KATNIP: variants seen among roughly 807,000 people sequenced by gnomAD.
The protein encoded by KATNIP is katanin-interacting protein.
Under a neutral mutation model 174.0 loss-of-function variants are expected in KATNIP, and 126 were observed. The observed-to-expected ratio is 0.72, with a 90% CI of 0.63 to 0.84. KATNIP has a LOEUF of 0.84. Among genes scored for constraint, KATNIP ranks in the 40% least tolerant of loss-of-function variants. The pLI is 0.00. For missense variants in KATNIP, 1,958 were observed against 2,109.7 expected, an observed-to-expected ratio of 0.93 and a Z score of 1.41; for synonymous variants, 810 against 835.7, an observed-to-expected ratio of 0.97 and a Z score of 0.53.
intron 6 of KATNIP, among the ~76,000 whole-genome samples, chr16:27,672,560 A>G (rs1458465205): frequency 6.6e-6 from 1 of 152,260 alleles, no homozygotes; most frequent in African/African-American, 2.4e-5. Flanking sequence ...GCACATGAGC[A>G]TGCATGAAGC....
chr16:27,567,735 C>T (rs926936104), intron 1 of KATNIP, among the ~76,000 whole-genome samples: 10 of 152,118 alleles, frequency 6.6e-5, no homozygotes, highest in African/African-American at 2.4e-4. Context: ...TGTTGGTTGG[C>T]CAGGCTAGTC....
intron 2 of KATNIP, among the ~76,000 whole-genome samples, chr16:27,579,105 A>G (rs2090601605): frequency 6.6e-6 from 1 of 152,222 alleles, no homozygotes; most frequent in South Asian, 2.1e-4. Flanking sequence ...TAAATTTATC[A>G]TGCAGTGTTG....
chr16:27,608,399 C>CTT (rs11374534), intron 2 of KATNIP, among the ~76,000 whole-genome samples: 11,177 of 97,432 alleles, frequency 0.11, 915 homozygotes, highest in Non-Finnish European at 0.14. Flanking sequence ...ACTGGTGAAT[C>CTT]TTTTTTTTTT....
rs2082488235 is a variant in KATNIP, at chr16:27,776,089, GTATC to G, written c.4450-837_4450-834del. Among the ~76,000 whole-genome samples the G allele has an allele frequency of 6.6e-6, 1 of 152,132 alleles. No individual in the cohort carries two copies. The highest frequency in any genetic ancestry group is 2.4e-5 in the African/African-American group (1 of 41,418). On this transcript the variant is annotated intron_variant, in intron 24 of 27. Coordinates refer to ENST00000261588, the MANE Select transcript of KATNIP (RefSeq NM_015202.5). The surrounding 1 kb of genome is among the most constrained non-coding windows in gnomAD (Gnocchi z 4.7). ...CTCTCGCGGCTGGACTCCAACATCTGTATCTGCTTGAGCCTCACAGGCAACTGAG... is the reference window on the plus strand; with the variant it reads ...CTCTCGCGGCTGGACTCCAACATCTGTGCTTGAGCCTCACAGGCAACTGAG...
intron 6 of KATNIP, among the ~76,000 whole-genome samples, chr16:27,655,903 G>A (rs1415961502): frequency 2.6e-5 from 4 of 152,116 alleles, no homozygotes; most frequent in Admixed American, 1.3e-4. Flanking sequence ...TATTATTGAT[G>A]TTATACCCAG....
intron 14 of KATNIP, chr16:27,727,215 G>GTC: frequency 4.3e-6 from 1 of 232,238 alleles, no homozygotes; most frequent in South Asian, 4.7e-5. Context: ...TTTCTAGACA[G>GTC]TCTCTCTCTG....
chr16:27,761,814 C>T (rs987349249), intron 19 of KATNIP, among the ~76,000 whole-genome samples: 4 of 152,168 alleles, frequency 2.6e-5, no homozygotes, highest in African/African-American at 9.7e-5. Flanking sequence ...AAGTGTCAGG[C>T]GGGATTTGAA....
chr16:27,775,909 C>G (rs548317420), intron 24 of KATNIP, among the ~76,000 whole-genome samples: 1 of 152,304 alleles, frequency 6.6e-6, no homozygotes, highest in Admixed American at 6.5e-5. Flanking sequence ...ATTAGACCCC[C>G]CCTATTGAGC....
chr16:27,596,309 G>A (rs956647686), intron 2 of KATNIP, among the ~76,000 whole-genome samples: 2 of 152,024 alleles, frequency 1.3e-5, no homozygotes, highest in African/African-American at 4.8e-5. Flanking sequence ...GATATGGGTG[G>A]GAGAGAGAGA....
chr16:27,746,196 G>A (rs1302393453), intron 15 of KATNIP, among the ~76,000 whole-genome samples: 1 of 152,094 alleles, frequency 6.6e-6, no homozygotes, highest in Non-Finnish European at 1.5e-5. Context: ...AGCAGACGCA[G>A]AATGAAAGCA....
intron 15 of KATNIP, among the ~76,000 whole-genome samples, chr16:27,748,911 A>T (rs2081388200): frequency 6.6e-6 from 1 of 152,206 alleles, no homozygotes; most frequent in African/African-American, 2.4e-5. Flanking sequence ...CACTGTTAAC[A>T]CGGGTGCATG....
chr16:27,571,589 C>T (rs1013046466), intron 1 of KATNIP, among the ~76,000 whole-genome samples: 2 of 152,326 alleles, frequency 1.3e-5, no homozygotes, highest in Admixed American at 6.5e-5. Flanking sequence ...TGGGATCTGC[C>T]GTGCTCACCC....
intron 2 of KATNIP, among the ~76,000 whole-genome samples, chr16:27,595,797 G>A (rs2075316495): frequency 6.6e-6 from 1 of 152,202 alleles, no homozygotes; most frequent in Non-Finnish European, 1.5e-5. Context: ...GAGGAGGGAT[G>A]TGACATTAAA....
At chr16:27,761,644 GT>G in intron 19 of KATNIP, 54 bp downstream of exon 19, 1 of 1,472,400 alleles carries the variant, frequency 6.8e-7, no homozygotes, top group Middle Eastern at 1.7e-4. Context: ...TGGGGACATT[GT>G]TCTGCCTCTG....
Position 27,704,063 on chromosome 16 carries a change from A to C in KATNIP, c.1389+65A>C, listed in dbSNP as rs569766925. 3.2e-6 allele frequency: 4 copies of C among 1,248,480 alleles called. 1 individual carries two copies. The East Asian group carries it at 9.3e-5, about 29-fold the overall frequency. The allele number at this position is 1,248,480 out of a possible 1,614,324, so 77.3% of individuals were successfully genotyped here. A position where few individuals can be genotyped will look rare whatever the true frequency, so the allele number is the denominator to read the frequency against. The stretch of plus-strand genomic sequence containing the variant: ...AGTTCCCTCAGAACAGGCATTTCGC[A>C]TCAGTGAGGATTGCTCTGACAGTGG... On this transcript the variant is annotated intron_variant, in intron 12 of 27. Coordinates refer to ENST00000261588, the MANE Select transcript of KATNIP (RefSeq NM_015202.5).
In KATNIP at chr16:27,777,669, G is replaced by T. The variant is rs72780133; in HGVS notation, c.4611G>T (p.Val1537=). ...TCCTGGCCATGGTGAGCCACCTGGT[G>T]GGGGGCATCCTGCCCACATGTGAGC... The part of the protein sequence containing the change: ...NGILAMVSHL[V]GGILPTCEPT... The change falls in exon 26 of 28, where the codon GTG becomes GTT. Residue 1537 remains valine, a synonymous_variant. Coordinates refer to ENST00000261588, the MANE Select transcript of KATNIP (RefSeq NM_015202.5). This position sits in a 1 kb window ranked among gnomAD's most constrained non-coding sequence, Gnocchi z 4.4. 2 of 1,613,858 alleles carry T rather than the reference G, an allele frequency of 1.2e-6. No homozygotes were observed. Among genetic ancestry groups the T allele is most frequent in the Admixed American group, 1.7e-5 (1 of 60,024 alleles).
intron 2 of KATNIP, among the ~76,000 whole-genome samples, chr16:27,606,736 T>TC (rs1357850271): frequency 6.6e-6 from 1 of 151,776 alleles, no homozygotes; most frequent in African/African-American, 2.4e-5. Context: ...TTCTAACTTT[T>TC]TTTTTTTTTG....
intron 19 of KATNIP, among the ~76,000 whole-genome samples, chr16:27,764,378 T>C (rs2082058401): frequency 6.6e-6 from 1 of 152,246 alleles, no homozygotes. Flanking sequence ...TTTATCCTGA[T>C]TGATGTTTAA....
intron 8 of KATNIP, among the ~76,000 whole-genome samples, chr16:27,686,512 G>T (rs943746202): frequency 2.0e-5 from 3 of 151,996 alleles, no homozygotes; most frequent in Non-Finnish European, 4.4e-5. Flanking sequence ...GCACGTAATT[G>T]GTTTTTAGTT....
Sources: allele counts gnomAD v4.1 joint callset (sites outside exome capture counted in the v4.1 genomes callset), GRCh38; gene constraint gnomAD v4.1.1; non-coding constraint Gnocchi (gnomAD v3.1); transcripts MANE v1.5; gene names NCBI Gene and HGNC (gene_info 2026-07-23, HGNC 2026-07-21).